The following HS2ST1 variants were observed in gnomAD, a reference collection of about 807,000 sequenced individuals.
The protein encoded by HS2ST1 is 2-O-sulfotransferase.
Under a neutral mutation model 42.9 loss-of-function variants are expected in HS2ST1, and 18 were observed. The ratio of observed to expected loss-of-function variants is 0.42; its 90% CI spans 0.29 to 0.62. The LOEUF is 0.62. Ranked by LOEUF, HS2ST1 falls within the 20% of genes least tolerant of loss-of-function variation. HS2ST1 has a pLI of 0.21. For missense variants in HS2ST1, 334 were observed against 433.8 expected (o/e 0.77, Z 2.04); for synonymous variants, 146 against 152.9 (o/e 0.95, Z 0.33).
At chr1:86,968,680 C>T (rs1044237107) in intron 1 of HS2ST1, among the ~76,000 whole-genome samples, 13 of 152,162 alleles carry the variant, frequency 8.5e-5, no homozygotes, top group African/African-American at 2.9e-4. Flanking sequence ...TGGTGGATTA[C>T]AGGCATGAGC....
intron 1 of HS2ST1, among the ~76,000 whole-genome samples, chr1:86,937,774 C>CT (rs1462245160): frequency 1.3e-5 from 2 of 149,108 alleles, no homozygotes; most frequent in South Asian, 4.2e-4. Flanking sequence ...CTTTTTTTTT[C>CT]TTTTTTTTCT....
At chr1:87,063,702 G>A (rs377566006) in intron 1 of HS2ST1, among the ~76,000 whole-genome samples, 11 of 151,846 alleles carry the variant, frequency 7.2e-5, no homozygotes, top group South Asian at 6.2e-4. Flanking sequence ...CATTTTTTTC[G>A]TTTGGTTCAA....
chr1:86,991,545 C>T (rs991406811), intron 1 of HS2ST1, among the ~76,000 whole-genome samples: 2 of 152,182 alleles, frequency 1.3e-5, no homozygotes, highest in African/African-American at 4.8e-5. Flanking sequence ...GGTTATAGTT[C>T]ACTATATCCA....
rs1652414880 is a variant in HS2ST1, at chr1:87,109,348, T to G, written c.*4652T>G. The G allele has an allele frequency of 1.3e-5, 2 of 152,128 alleles. No individual in the cohort carries two copies. The highest frequency in any genetic ancestry group is 4.8e-5 in the African/African-American group (2 of 41,448). The allele number at this position is 152,128 out of a possible 1,614,324, so 9.4% of individuals were successfully genotyped here. A position where few individuals can be genotyped will look rare whatever the true frequency, so the allele number is the denominator to read the frequency against. Reference sequence around the variant, plus strand: ...TGATTTTATGGCTTGTGACAATATTTTATCTGGACTGACATGCCTCTGCTG... The same window carrying G: ...TGATTTTATGGCTTGTGACAATATTGTATCTGGACTGACATGCCTCTGCTG... On this transcript the variant is annotated 3_prime_UTR_variant, in exon 7 of 7. Transcript: ENST00000370550.
chr1:86,924,274 GC>G (rs1396637822), intron 1 of HS2ST1, among the ~76,000 whole-genome samples: 6 of 152,166 alleles, frequency 3.9e-5, no homozygotes, highest in Non-Finnish European at 7.3e-5. Context: ...GCATGATATA[GC>G]CCCCCACTCC....
chr1:86,918,823 G>T (rs1045210749), intron 1 of HS2ST1, among the ~76,000 whole-genome samples: 5 of 151,082 alleles, frequency 3.3e-5, no homozygotes, highest in African/African-American at 1.2e-4. Context: ...CTAATTTCTA[G>T]GTAGGTTGAA....
chr1:86,990,430 C>CA (rs1358586919), intron 1 of HS2ST1, among the ~76,000 whole-genome samples: 5 of 152,072 alleles, frequency 3.3e-5, no homozygotes, highest in Admixed American at 6.6e-5. Flanking sequence ...TTTTGCCTCT[C>CA]AGATTTCTTT....
At position 86,915,803 on chromosome 1, in the gene HS2ST1, C is replaced by T. The variant is rs79565282; in HGVS notation, c.124+643C>T. On this transcript the variant is annotated intron_variant, in intron 1 of 6. Coordinates refer to ENST00000370550, the MANE Select transcript of HS2ST1 (RefSeq NM_012262.4). ...TCATCGGAGTACGGAAATGAGGGTC[C>T]GGAGATTTAAATTCTTCTTTAGTGG... Among the ~76,000 whole-genome samples, 566 of 152,218 alleles carry T rather than the reference C, an allele frequency of 3.7e-3. 5 individuals are homozygous for T. The highest frequency in any genetic ancestry group is 0.013 in the African/African-American group (547 of 41,520).
intron 5 of HS2ST1, among the ~76,000 whole-genome samples, chr1:87,100,850 G>C (rs1367868413): frequency 6.6e-6 from 1 of 152,134 alleles, no homozygotes; most frequent in African/African-American, 2.4e-5. Context: ...GAGTCCAGGA[G>C]GTTAAGGCTG....
chr1:87,049,189 T>A (rs1471750352), intron 1 of HS2ST1, among the ~76,000 whole-genome samples: 1 of 152,056 alleles, frequency 6.6e-6, no homozygotes, highest in East Asian at 1.9e-4. Flanking sequence ...TTATCAAGTT[T>A]ATTGGCTACA....
intron 1 of HS2ST1, among the ~76,000 whole-genome samples, chr1:86,969,042 A>C (rs1648152984): frequency 1.3e-5 from 2 of 152,228 alleles, no homozygotes; most frequent in African/African-American, 4.8e-5. Context: ...TGCTACAAAT[A>C]TATGATTTCT....
intron 1 of HS2ST1, among the ~76,000 whole-genome samples, chr1:86,980,228 G>T (rs1379770185): frequency 6.6e-6 from 1 of 152,204 alleles, no homozygotes; most frequent in Non-Finnish European, 1.5e-5. Flanking sequence ...TTGCATTGTA[G>T]TGGGAGAGAC....
intron 1 of HS2ST1, among the ~76,000 whole-genome samples, chr1:87,043,210 T>C (rs1259375923): frequency 6.6e-6 from 1 of 152,110 alleles, no homozygotes; most frequent in Non-Finnish European, 1.5e-5. Context: ...TACTGTTTGA[T>C]TGGGAGATGG....
At chr1:87,061,033 G>A (rs1393984215) in intron 1 of HS2ST1, among the ~76,000 whole-genome samples, 6 of 151,952 alleles carry the variant, frequency 3.9e-5, no homozygotes, top group Non-Finnish European at 4.4e-5. Flanking sequence ...GAATGTTAAG[G>A]ATTAACATAT....
intron 1 of HS2ST1, among the ~76,000 whole-genome samples, chr1:87,049,664 C>G (rs1473595603): frequency 6.6e-6 from 1 of 151,824 alleles, no homozygotes; most frequent in African/African-American, 2.4e-5. Flanking sequence ...TATTTTGAAC[C>G]TTGTTTTATG....
chr1:86,978,374 C>A (rs534980512), intron 1 of HS2ST1, among the ~76,000 whole-genome samples: 8 of 152,306 alleles, frequency 5.3e-5, no homozygotes, highest in Middle Eastern at 3.4e-3. Context: ...GGCAGTGTCT[C>A]AGAGACAAAT....
intron 1 of HS2ST1, among the ~76,000 whole-genome samples, chr1:86,945,514 T>A (rs1647305287): frequency 6.6e-6 from 1 of 152,138 alleles, no homozygotes; most frequent in Non-Finnish European, 1.5e-5. Flanking sequence ...AGCTAATAAA[T>A]TAGATTTGAT....
chr1:87,086,102 A>G (rs1651809989), intron 3 of HS2ST1, among the ~76,000 whole-genome samples: 1 of 152,196 alleles, frequency 6.6e-6, no homozygotes, highest in South Asian at 2.1e-4. Context: ...GTATCCTCAA[A>G]TATCTTTTAG....
intron 1 of HS2ST1, among the ~76,000 whole-genome samples, chr1:87,021,822 G>T (rs1649961628): frequency 6.6e-6 from 1 of 152,080 alleles, no homozygotes; most frequent in Non-Finnish European, 1.5e-5. Context: ...AGCTGACAGT[G>T]TTATTTCATA....
Sources: gnomAD v4.1 joint callset for allele counts (sites outside exome capture counted in the v4.1 genomes callset) on GRCh38, gnomAD v4.1.1 for gene constraint, MANE v1.5 for transcripts, NCBI Gene and HGNC (gene_info 2026-07-23, HGNC 2026-07-21) for gene names.